SLC14A2: variants seen among roughly 807,000 people sequenced by gnomAD.
The protein encoded by SLC14A2 is solute carrier family 14 member 2, also known as urea transporter 2.
SLC14A2 carries 91 observed loss-of-function variants against 104.6 expected under a neutral mutation model. The ratio of observed to expected loss-of-function variants is 0.87; its 90% CI spans 0.73 to 1.04. The LOEUF is 1.04. Among genes scored for constraint, SLC14A2 ranks in the 50% least tolerant of loss-of-function variants. The pLI, the probability that SLC14A2 is intolerant of heterozygous loss-of-function variation, is 0.00. For missense variants in SLC14A2, 1,189 were observed against 1,156.0 expected (o/e 1.03, Z -0.41); for synonymous variants, 476 against 466.4 (o/e 1.02, Z -0.27).
chr18:45,439,574 A>T (rs2144576845), intron 1 of SLC14A2, among the ~76,000 whole-genome samples: 2 of 152,300 alleles, frequency 1.3e-5, no homozygotes, highest in South Asian at 4.1e-4. Flanking sequence ...TCTTGCTCTT[A>T]TGATGCTCAC....
chr18:45,306,986 A>T (rs1391711160), intron 1 of SLC14A2, among the ~76,000 whole-genome samples: 1 of 152,148 alleles, frequency 6.6e-6, no homozygotes, highest in African/African-American at 2.4e-5. Context: ...AGGAATGCTC[A>T]TGGCTCACGA....
intron 1 of SLC14A2, among the ~76,000 whole-genome samples, chr18:45,357,149 G>A (rs34376234): frequency 0.059 from 8,909 of 151,486 alleles, 526 homozygotes; most frequent in African/African-American, 0.15. Context: ...GGGACCAGGA[G>A]GAGTGGCTGA....
At chr18:45,246,550 G>C (rs986268819) in intron 1 of SLC14A2, among the ~76,000 whole-genome samples, 2 of 152,080 alleles carry the variant, frequency 1.3e-5, no homozygotes, top group Non-Finnish European at 2.9e-5. Flanking sequence ...TAACATTGCA[G>C]AGTAGAAATA....
chr18:45,579,029 C>G (rs1333638456), intron 2 of SLC14A2, among the ~76,000 whole-genome samples: 1 of 152,148 alleles, frequency 6.6e-6, no homozygotes, highest in Non-Finnish European at 1.5e-5. Flanking sequence ...GTCTTTCATT[C>G]TTCAGGAGGC....
chr18:45,331,895 G>A (rs1000826696), intron 1 of SLC14A2, among the ~76,000 whole-genome samples: 1 of 152,124 alleles, frequency 6.6e-6, no homozygotes, highest in Non-Finnish European at 1.5e-5. Flanking sequence ...TAAATATGAA[G>A]TGACCTCTTC....
intron 1 of SLC14A2, among the ~76,000 whole-genome samples, chr18:45,282,755 A>G (rs1415377812): frequency 2.6e-5 from 4 of 152,076 alleles, no homozygotes; most frequent in Non-Finnish European, 5.9e-5. Context: ...GTCAACTTAT[A>G]CTAGTTGTAT....
At chr18:45,202,223 G>A in the SLC14A2 span, among the ~76,000 whole-genome samples, 87 of 152,098 alleles carry the variant, frequency 5.7e-4, no homozygotes, top group Non-Finnish European at 1.2e-3. Context: ...CAGAGTGGTT[G>A]CTATAGATAT....
At chr18:45,421,771 A>G (rs1015000757) in intron 1 of SLC14A2, among the ~76,000 whole-genome samples, 1 of 152,188 alleles carries the variant, frequency 6.6e-6, no homozygotes, top group African/African-American at 2.4e-5. Context: ...AAGGCCTCAA[A>G]GAATGGAGAG....
chr18:45,629,256 G>A (rs148530200), intron 4 of SLC14A2, among the ~76,000 whole-genome samples: 18 of 152,322 alleles, frequency 1.2e-4, no homozygotes, highest in East Asian at 9.6e-4. Context: ...CTAGGGTGGC[G>A]TTGGAGGACC....
At chr18:45,601,989 G>A (rs2044797287) in intron 2 of SLC14A2, among the ~76,000 whole-genome samples, 1 of 152,246 alleles carries the variant, frequency 6.6e-6, no homozygotes. Flanking sequence ...GTACGGTTGT[G>A]CATGATGCCC....
At chr18:45,356,189 G>T (rs1404200672) in intron 1 of SLC14A2, among the ~76,000 whole-genome samples, 1 of 152,134 alleles carries the variant, frequency 6.6e-6, no homozygotes, top group Non-Finnish European at 1.5e-5. Flanking sequence ...GGGTTCTGTG[G>T]CTCCTTGAGC....
intron 1 of SLC14A2, among the ~76,000 whole-genome samples, chr18:45,399,740 A>C (rs1443863261): frequency 6.6e-6 from 1 of 152,164 alleles, no homozygotes; most frequent in Non-Finnish European, 1.5e-5. Context: ...CACACTGCCA[A>C]CCACACAGGA....
intron 1 of SLC14A2, among the ~76,000 whole-genome samples, chr18:45,460,990 C>T (rs940976580): frequency 1.3e-5 from 2 of 152,150 alleles, no homozygotes; most frequent in African/African-American, 4.8e-5. Context: ...GTCCAGGCAC[C>T]TGACCCAACC....
At chr18:45,462,546 G>T (rs1479201154) in intron 1 of SLC14A2, among the ~76,000 whole-genome samples, 1 of 152,180 alleles carries the variant, frequency 6.6e-6, no homozygotes. Flanking sequence ...AGTCAGGGAG[G>T]CTGTTCTGCC....
At chr18:45,629,122 G>A (rs2045305747) in intron 4 of SLC14A2, among the ~76,000 whole-genome samples, 1 of 152,196 alleles carries the variant, frequency 6.6e-6, no homozygotes, top group Admixed American at 6.5e-5. Context: ...AGGCCCATTG[G>A]TGAACCCAAA....
intron 10 of SLC14A2, among the ~76,000 whole-genome samples, chr18:45,659,864 C>G (rs907023025): frequency 1.5e-4 from 22 of 150,542 alleles, no homozygotes; most frequent in African/African-American, 5.1e-4. Flanking sequence ...GTGGCTCATG[C>G]TTGTAATCCT....
At chr18:45,523,597 G>C (rs1485139077) in intron 2 of SLC14A2, among the ~76,000 whole-genome samples, 1 of 150,930 alleles carries the variant, frequency 6.6e-6, no homozygotes, top group Non-Finnish European at 1.5e-5. Context: ...GGCCTCCCAA[G>C]GTGCTGGGAT....
In SLC14A2 at chr18:45,683,677, T is replaced by G. The variant is rs544130486; in HGVS notation, c.*1158T>G. 69 of 152,316 alleles carry G rather than the reference T, an allele frequency of 4.5e-4. No homozygotes were observed. The highest frequency in any genetic ancestry group is 1.6e-3 in the African/African-American group (66 of 41,570). 9.4% of individuals were successfully genotyped at this position (152,316 alleles called of 1,614,324 possible). A position where few individuals can be genotyped will look rare whatever the true frequency, so the allele number is the denominator to read the frequency against. On this transcript the variant is annotated 3_prime_UTR_variant, in exon 20 of 20. Coordinates refer to ENST00000255226, the MANE Select transcript of SLC14A2 (RefSeq NM_007163.4). ...CATAATCATACTGTCATTAAACTGTTTAAGTTTGCAAGTCGGCATCAGGGT... is the reference window on the plus strand; with the variant it reads ...CATAATCATACTGTCATTAAACTGTGTAAGTTTGCAAGTCGGCATCAGGGT...
At chr18:45,436,975 C>T (rs992316822) in intron 1 of SLC14A2, among the ~76,000 whole-genome samples, 5 of 152,110 alleles carry the variant, frequency 3.3e-5, no homozygotes, top group African/African-American at 1.2e-4. Context: ...GTTGGTCCTC[C>T]GCTCAGGATT....
Sources: allele counts gnomAD v4.1 joint callset (sites outside exome capture counted in the v4.1 genomes callset), GRCh38; gene constraint gnomAD v4.1.1; transcripts MANE v1.5; gene names NCBI Gene and HGNC (gene_info 2026-07-23, HGNC 2026-07-21).